The following RFTN2 variants were observed in gnomAD, a reference collection of about 807,000 sequenced individuals.
The protein encoded by RFTN2 is raftlin-2.
In RFTN2, 34 loss-of-function variants were observed where a neutral mutation model predicts 52.7. The observed-to-expected ratio is 0.64, with a 90% CI of 0.49 to 0.86. The LOEUF (loss-of-function observed/expected upper bound fraction) is 0.86, where lower values mean the gene tolerates loss of function less well. Among genes scored for constraint, RFTN2 ranks in the 40% least tolerant of loss-of-function variants. The pLI, the probability that RFTN2 is intolerant of heterozygous loss-of-function variation, is 0.00. For missense variants in RFTN2, 536 were observed against 600.1 expected (o/e 0.89, Z 1.12); for synonymous variants, 203 against 217.7 (o/e 0.93, Z 0.59).
chr2:197,629,692 A>ACACACACACACACACACACACC (rs2088430858), intron 5 of RFTN2, among the ~76,000 whole-genome samples: 1 of 147,172 alleles, frequency 6.8e-6, no homozygotes, highest in African/African-American at 2.5e-5. Context: ...ACACACACAC[A>ACACACACACACACACACACACC]CACACACATA....
At chr2:197,588,655 T>C (rs997989474) in intron 8 of RFTN2, among the ~76,000 whole-genome samples, 5 of 152,226 alleles carry the variant, frequency 3.3e-5, no homozygotes, top group South Asian at 2.1e-4. Context: ...GGTTTCTGTG[T>C]GAACGTAAGT....
intron 5 of RFTN2, among the ~76,000 whole-genome samples, chr2:197,630,626 A>G (rs1022502560): frequency 6.6e-6 from 1 of 152,228 alleles, no homozygotes; most frequent in East Asian, 1.9e-4. Flanking sequence ...GACTATATAC[A>G]TGGTAGATAG....
In RFTN2 at chr2:197,633,858, T is replaced by A. The variant is rs760274222; in HGVS notation, c.578A>T (p.Asn193Ile). The change falls in exon 4 of 9, where the codon AAC (asparagine) becomes ATC (isoleucine). Residue 193 changes from asparagine to isoleucine, a missense_variant. By Grantham distance (149) the Asn-to-Ile change is moderately radical. Coordinates refer to ENST00000295049, the MANE Select transcript of RFTN2 (RefSeq NM_144629.3). ...MLHVRHGSDE[N>I]CRSWNEGTLS... ...CGTCCCTTCATTCCAACTTCTACAG[T>A]TTTCATCTGAACCGTGTCTCACATG... 1 of 1,613,922 alleles carries A rather than the reference T, an allele frequency of 6.2e-7. No individual in the cohort carries two copies. Among genetic ancestry groups the A allele is most frequent in the East Asian group, 2.2e-5 (1 of 44,866 alleles).
intron 1 of RFTN2, among the ~76,000 whole-genome samples, chr2:197,648,671 T>C (rs992860869): frequency 4.6e-5 from 7 of 152,248 alleles, no homozygotes; most frequent in Non-Finnish European, 1.0e-4. Context: ...AGTGGAAATG[T>C]CTTAGTGTAA....
At chr2:197,634,021 GAACAAAATGTAA>G in intron 3 of RFTN2, 24 bp from the exon 4 acceptor site, 2 of 1,578,430 alleles carry the variant, frequency 1.3e-6, no homozygotes, top group Non-Finnish European at 1.7e-6. Context: ...AGAGATGGCA[GAACAAAATGTAA>G]ACTCTATTTT....
intron 1 of RFTN2, among the ~76,000 whole-genome samples, chr2:197,665,680 T>A (rs2089046095): frequency 6.6e-6 from 1 of 152,076 alleles, no homozygotes; most frequent in Non-Finnish European, 1.5e-5. Context: ...GTGCATTTCT[T>A]ATAGGCAGCA....
intron 3 of RFTN2, among the ~76,000 whole-genome samples, chr2:197,637,600 T>G (rs899178652): frequency 1.3e-5 from 2 of 152,232 alleles, no homozygotes; most frequent in Non-Finnish European, 2.9e-5. Flanking sequence ...CCTTTATCAT[T>G]TTTTATTGTG....
chr2:197,571,845 CT>C lies in RFTN2; in HGVS notation c.*162del, dbSNP rs1287163985. 3.2e-6 allele frequency: 2 copies of C among 632,846 alleles called. No individual in the cohort carries two copies. Among genetic ancestry groups the C allele is most frequent in the Admixed American group, 3.0e-5 (1 of 33,756 alleles). The allele number at this position is 632,846 out of a possible 1,614,324, so 39.2% of individuals were successfully genotyped here. A position where few individuals can be genotyped will look rare whatever the true frequency, so the allele number is the denominator to read the frequency against. ...TGTATAAATATGTTGGTTATTCTTCCTTGTCTGGGAGGTTGTGCCAAAGTTT... is the reference window on the plus strand; with the variant it reads ...TGTATAAATATGTTGGTTATTCTTCCTGTCTGGGAGGTTGTGCCAAAGTTT... On this transcript the variant is annotated 3_prime_UTR_variant, in exon 9 of 9. Coordinates refer to ENST00000295049, the MANE Select transcript of RFTN2 (RefSeq NM_144629.3).
At chr2:197,674,450 A>T (rs1220813994) in intron 1 of RFTN2, among the ~76,000 whole-genome samples, 1 of 151,468 alleles carries the variant, frequency 6.6e-6, no homozygotes, top group African/African-American at 2.4e-5. Context: ...TTGTGAATTG[A>T]TAAAATGTGT....
chr2:197,628,378 G>C (rs572301442), intron 5 of RFTN2, among the ~76,000 whole-genome samples: 1 of 152,298 alleles, frequency 6.6e-6, no homozygotes, highest in South Asian at 2.1e-4. Flanking sequence ...GAGCTGCTGA[G>C]AGAGGGAGTC....
At chr2:197,598,705 T>G (rs1322342380) in intron 7 of RFTN2, among the ~76,000 whole-genome samples, 3 of 152,164 alleles carry the variant, frequency 2.0e-5, no homozygotes, top group Non-Finnish European at 2.9e-5. Context: ...GGAATCTCCA[T>G]TTCACCAGGC....
At chr2:197,592,354 C>G (rs552883188) in intron 8 of RFTN2, among the ~76,000 whole-genome samples, 1 of 152,156 alleles carries the variant, frequency 6.6e-6, no homozygotes, top group Non-Finnish European at 1.5e-5. Context: ...TGCCACCACG[C>G]CCAGCTAATT....
chr2:197,588,961 C>T (rs7564917), intron 8 of RFTN2, among the ~76,000 whole-genome samples: 63,710 of 151,864 alleles, frequency 0.42, 13,999 homozygotes, highest in South Asian at 0.56. Flanking sequence ...CAGTGGCTCA[C>T]GCCTGTAATC....
At chr2:197,642,942 A>G (rs2088695704) in intron 3 of RFTN2, among the ~76,000 whole-genome samples, 1 of 152,202 alleles carries the variant, frequency 6.6e-6, no homozygotes, top group Non-Finnish European at 1.5e-5. Context: ...TTGTGCCACT[A>G]TACTCCAGCC....
At chr2:197,597,154 C>T (rs977937003) in intron 7 of RFTN2, among the ~76,000 whole-genome samples, 8 of 152,164 alleles carry the variant, frequency 5.3e-5, no homozygotes, top group Admixed American at 4.6e-4. Flanking sequence ...CTTACTGATA[C>T]CACTGAATTT....
intron 8 of RFTN2, among the ~76,000 whole-genome samples, chr2:197,589,046 C>A (rs1385574966): frequency 6.6e-6 from 1 of 151,744 alleles, no homozygotes; most frequent in Non-Finnish European, 1.5e-5. Context: ...CATAGTGAAA[C>A]CCCATCTCTA....
intron 8 of RFTN2, among the ~76,000 whole-genome samples, chr2:197,575,196 G>C (rs1335884579): frequency 1.3e-5 from 2 of 152,220 alleles, no homozygotes; most frequent in African/African-American, 4.8e-5. Flanking sequence ...CTGCCGCCAT[G>C]TAAGACATGA....
chr2:197,585,228 T>C (rs1302145897), intron 8 of RFTN2, among the ~76,000 whole-genome samples: 1 of 152,128 alleles, frequency 6.6e-6, no homozygotes, highest in Non-Finnish European at 1.5e-5. Context: ...TTACCCTACT[T>C]TTTGCAACAG....
At chr2:197,577,871 C>G (rs1296417275) in intron 8 of RFTN2, among the ~76,000 whole-genome samples, 3 of 152,116 alleles carry the variant, frequency 2.0e-5, no homozygotes, top group African/African-American at 4.8e-5. Flanking sequence ...GGAGCACCAC[C>G]ATGCCTGGGT....
Sources: allele counts gnomAD v4.1 joint callset (sites outside exome capture counted in the v4.1 genomes callset), GRCh38; gene constraint gnomAD v4.1.1; transcripts MANE v1.5; gene names NCBI Gene and HGNC (gene_info 2026-07-23, HGNC 2026-07-21).